COQ5: variants seen among roughly 807,000 people sequenced by gnomAD.
COQ5 encodes coenzyme Q5, methyltransferase.
COQ5 carries 27 observed loss-of-function variants against 40.5 expected under a neutral mutation model. The observed-to-expected ratio is 0.67, with a 90% CI of 0.49 to 0.92. COQ5 has a LOEUF of 0.92. COQ5 is among the 40% of genes least tolerant of loss of function. The pLI, the probability that COQ5 is intolerant of heterozygous loss-of-function variation, is 0.00. For missense variants in COQ5, 409 were observed against 406.4 expected (o/e 1.01, Z -0.06); for synonymous variants, 141 against 150.0 (o/e 0.94, Z 0.44).
intron 3 of COQ5, among the ~76,000 whole-genome samples, chr12:120,516,273 C>T (rs2137085584): frequency 6.6e-6 from 1 of 152,290 alleles, no homozygotes; most frequent in South Asian, 2.1e-4. Flanking sequence ...AGATTCAACT[C>T]CAATTTGGGA....
rs1868817887 is a variant in COQ5, at chr12:120,505,056, T to C, written c.682-73A>G. On this transcript the variant is annotated intron_variant, in intron 4 of 6. Transcript: ENST00000288532. ...TCAATTCCATGAGGCCAAGACAGCT[T>C]TAGCTTCTGCAGGCATTAAAAAAGT... 2.4e-6 allele frequency: 3 copies of C among 1,250,000 alleles called. No homozygotes were observed. In the Admixed American group the frequency reaches 5.2e-5, roughly 22 times the overall value. The allele number at this position is 1,250,000 out of a possible 1,614,324, so 77.4% of individuals were successfully genotyped here.
rs1448174209 is a variant in COQ5 at position 120,504,020 on chromosome 12, A to C, written c.832T>G (p.Trp278Gly). ...TCTACAAGGTACTGATAGGACTTCC[A>C]GTCTCCAGCGATGACCTCTCCCAGG... ...PVLGEVIAGD[W>G]KSYQYLVESI... The change falls in exon 6 of 7, where the codon TGG becomes GGG. Residue 278 changes from tryptophan (W) to glycine (G), a missense_variant. Transcript: ENST00000288532. 2 of 1,613,866 alleles carry C rather than the reference A, an allele frequency of 1.2e-6. No homozygotes were observed. The highest frequency in any genetic ancestry group is 3.3e-5 in the Admixed American group (2 of 60,022).
chr12:120,508,378 G>A (rs1015960936), intron 4 of COQ5, among the ~76,000 whole-genome samples: 5 of 151,892 alleles, frequency 3.3e-5, no homozygotes, highest in African/African-American at 1.2e-4. Context: ...CAGAGTGAGA[G>A]TCCGTCTCCA....
chr12:120,504,222 C>A, intron 5 of COQ5, 141 bp from the exon 6 acceptor site: 2 of 679,234 alleles, frequency 2.9e-6, no homozygotes, highest in South Asian at 1.5e-5. Context: ...TTAAGTGGGT[C>A]AGGTACAAGA....
At chr12:120,518,874 A>G (rs1324130274) in intron 2 of COQ5, among the ~76,000 whole-genome samples, 1 of 152,158 alleles carries the variant, frequency 6.6e-6, no homozygotes, top group Non-Finnish European at 1.5e-5. Flanking sequence ...ATATTTCAAT[A>G]TATTAATTAT....
intron 3 of COQ5, among the ~76,000 whole-genome samples, chr12:120,514,937 C>T (rs1240019160): frequency 6.6e-6 from 1 of 151,994 alleles, no homozygotes; most frequent in East Asian, 2.0e-4. Context: ...GGATTACAGG[C>T]ATGTGTCACC....
At chr12:120,506,189 CATTGTTTTGG>C (rs1215291684) in intron 4 of COQ5, among the ~76,000 whole-genome samples, 1 of 152,008 alleles carries the variant, frequency 6.6e-6, no homozygotes, top group African/African-American at 2.4e-5. Context: ...TATAGGAAGC[CATTGTTTTGG>C]ATTGTTTCTG....
At chr12:120,520,186 C>G (rs1033472377) in intron 2 of COQ5, among the ~76,000 whole-genome samples, 7 of 151,686 alleles carry the variant, frequency 4.6e-5, no homozygotes, top group Non-Finnish European at 1.0e-4. Context: ...CTCTGCAGCC[C>G]AGGCTGGAGA....
At chr12:120,514,409 TG>T (rs1421337492) in intron 3 of COQ5, among the ~76,000 whole-genome samples, 1 of 151,986 alleles carries the variant, frequency 6.6e-6, no homozygotes, top group Non-Finnish European at 1.5e-5. Context: ...TGGCCATCTG[TG>T]GTCCCTGGCC....
chr12:120,506,667 T>A (rs1257747105), intron 4 of COQ5, among the ~76,000 whole-genome samples: 1 of 135,880 alleles, frequency 7.4e-6, no homozygotes, highest in Non-Finnish European at 1.7e-5. Context: ...ACGCCCAGCC[T>A]ATTTTTTTTA....
intron 5 of COQ5, 36 bp downstream of exon 5, chr12:120,504,859 A>G: frequency 6.5e-7 from 1 of 1,547,182 alleles, no homozygotes; most frequent in South Asian, 1.1e-5. Context: ...AACCTTGGCT[A>G]TACAATGAAG....
At chr12:120,504,709 T>C (rs1868802822) in intron 5 of COQ5, 186 bp downstream of exon 5, 2 of 634,142 alleles carry the variant, frequency 3.2e-6, no homozygotes, top group East Asian at 2.9e-5. Flanking sequence ...TTAATATACA[T>C]ATGTAAGCCA....
intron 3 of COQ5, among the ~76,000 whole-genome samples, chr12:120,510,479 T>C (rs763807081): frequency 1.4e-4 from 22 of 151,984 alleles, no homozygotes; most frequent in Non-Finnish European, 2.8e-4. Flanking sequence ...CCAGCTAGTT[T>C]TTAAAAATTT....
intron 4 of COQ5, among the ~76,000 whole-genome samples, chr12:120,507,698 A>G (rs1434529155): frequency 6.7e-6 from 1 of 149,192 alleles, no homozygotes; most frequent in Non-Finnish European, 1.5e-5. Flanking sequence ...GACCAGCCTG[A>G]CCAACATGGA....
At chr12:120,528,509 CT>C (rs1262139751) in intron 1 of COQ5, among the ~76,000 whole-genome samples, 2 of 152,132 alleles carry the variant, frequency 1.3e-5, no homozygotes, top group African/African-American at 2.4e-5. Context: ...CAGTATTCTG[CT>C]TTTAAAAAGG....
intron 1 of COQ5, among the ~76,000 whole-genome samples, chr12:120,525,696 G>A (rs1405900555): frequency 1.3e-5 from 2 of 151,942 alleles, no homozygotes; most frequent in Admixed American, 6.6e-5. Context: ...AGGCTGAGGC[G>A]GGGGGATCAC....
At chr12:120,512,788 T>C (rs532961158) in intron 3 of COQ5, among the ~76,000 whole-genome samples, 2 of 152,154 alleles carry the variant, frequency 1.3e-5, no homozygotes, top group Admixed American at 6.5e-5. Flanking sequence ...CCAGGTGCGA[T>C]AGCCCACACC....
intron 1 of COQ5, chr12:120,523,030 C>T (rs774694835): frequency 1.0e-5 from 5 of 488,480 alleles, no homozygotes; most frequent in Non-Finnish European, 1.8e-5. Flanking sequence ...TTAAGAGATT[C>T]TTATAAAAAA....
At chr12:120,522,137 A>AGCTAG (rs1434218004) in intron 2 of COQ5, 77 bp downstream of exon 2, 2 of 1,477,930 alleles carry the variant, frequency 1.4e-6, no homozygotes, top group Non-Finnish European at 1.9e-6. Context: ...GTGTTAGGTG[A>AGCTAG]GCTAGCTCAT....
Sources: gnomAD v4.1 joint callset for allele counts (sites outside exome capture counted in the v4.1 genomes callset) on GRCh38, gnomAD v4.1.1 for gene constraint, MANE v1.5 for transcripts, NCBI Gene and HGNC (gene_info 2026-07-23, HGNC 2026-07-21) for gene names.